Variants in BEST1 observed in about 807,000 individuals in gnomAD.
BEST1 encodes bestrophin 1, also known as bestrophin-1.
In BEST1, 58 loss-of-function variants were observed where a neutral mutation model predicts 63.3. The ratio of observed to expected loss-of-function variants is 0.92; its 90% CI spans 0.74 to 1.14. The LOEUF (loss-of-function observed/expected upper bound fraction) is 1.14, where lower values mean the gene tolerates loss of function less well. Ranked by LOEUF, BEST1 falls within the 50% of genes most tolerant of loss-of-function variation. The pLI, the probability that BEST1 is intolerant of heterozygous loss-of-function variation, is 0.00. For synonymous variants in BEST1, 283 were observed against 291.6 expected, an observed-to-expected ratio of 0.97 and a Z score of 0.30; for missense variants, 671 against 740.1, an observed-to-expected ratio of 0.91 and a Z score of 1.08.
chr11:61,952,190 C>T (rs1288591669), intron 2 of BEST1, among the ~76,000 whole-genome samples: 3 of 152,104 alleles, frequency 2.0e-5, no homozygotes, highest in Non-Finnish European at 4.4e-5. Flanking sequence ...TTTTAGCCAC[C>T]CTTCCTCCAA....
In BEST1 at chr11:61,958,280, C is replaced by T; in HGVS notation, c.849C>T (p.Phe283=). ...TCTTCACGTTCCTGCAGTTCTTCTT[C>T]TATGTTGGCTGGCTGAAGGTGGGCC... ...VPVFTFLQFF[F]YVGWLKVAEQ... is the part of the protein sequence containing the mutation. The change falls in exon 7 of 11, where the codon TTC becomes TTT. Residue 283 remains phenylalanine (F), a synonymous_variant. Coordinates refer to ENST00000378043, the MANE Select transcript of BEST1 (RefSeq NM_004183.4). 1 of 1,614,238 alleles carries T rather than the reference C, an allele frequency of 6.2e-7. No homozygotes were observed. Among genetic ancestry groups the T allele is most frequent in the Non-Finnish European group, 8.5e-7 (1 of 1,180,044 alleles).
downstream of BEST1, chr11:61,964,893 T>G (rs1260690208): frequency 6.2e-7 from 1 of 1,610,264 alleles, no homozygotes; most frequent in Non-Finnish European, 8.5e-7. Flanking sequence ...GTCACACAAC[T>G]GCAAAACAAT....
chr11:61,957,557 T>A, intron 6 of BEST1, 93 bp downstream of exon 6: 1 of 1,239,092 alleles, frequency 8.1e-7, no homozygotes, highest in African/African-American at 1.5e-5. Context: ...ACCTAGAGGC[T>A]AAGTGGCTCC....
rs1257833189 is a variant in BEST1, at chr11:61,962,680, C to A, written c.1526C>A (p.Ala509Asp). 22 of 1,614,148 alleles carry A rather than the reference C, an allele frequency of 1.4e-5. No individual in the cohort carries two copies. The highest frequency in any genetic ancestry group is 1.5e-5 in the Non-Finnish European group (18 of 1,180,040). Residue 509 changes from alanine (A) to aspartate (D), a missense_variant, in exon 10 of 11, where the codon GCC (alanine) becomes GAC (aspartate). Ala to Asp is a moderately radical substitution (Grantham distance 126). Coordinates refer to ENST00000378043, the MANE Select transcript of BEST1 (RefSeq NM_004183.4). The stretch of plus-strand genomic sequence containing the variant: ...AGCTTAAAGACTGTGAGTTCTGGGG[C>A]CAAGAAAAGTTTTGAATTGCTCTCA... ...DKSLKTVSSG[A>D]KKSFELLSES... is the part of the protein sequence containing the mutation.
chr11:61,964,955 C>T (rs747203605), downstream of BEST1: 28 of 1,613,932 alleles, frequency 1.7e-5, no homozygotes, highest in Admixed American at 1.0e-4. Flanking sequence ...AAATGATTTC[C>T]TCCATTTATT....
intron 9 of BEST1, chr11:61,961,680 C>T (rs921947784): frequency 1.2e-4 from 19 of 160,246 alleles, no homozygotes; most frequent in Admixed American, 8.1e-4. Context: ...GCCTGGGAGG[C>T]GGCTTCCAGC....
chr11:61,952,855 C>CTAAGG (rs2134415248), intron 2 of BEST1, among the ~76,000 whole-genome samples: 1 of 152,186 alleles, frequency 6.6e-6, no homozygotes, highest in Admixed American at 6.5e-5. Flanking sequence ...CGTCTGTAAT[C>CTAAGG]CCAGCACTTT....
chr11:61,958,124 C>T (rs1455295862), intron 6 of BEST1, 22 bp from the exon 7 acceptor site: 3 of 1,560,832 alleles, frequency 1.9e-6, no homozygotes, highest in South Asian at 2.3e-5. Context: ...CCTTTGCTAC[C>T]ACATCCTCCT....
chr11:61,956,329 C>T (rs921577011), intron 4 of BEST1, among the ~76,000 whole-genome samples: 7 of 152,146 alleles, frequency 4.6e-5, no homozygotes, highest in African/African-American at 1.7e-4. Context: ...GACACCCCCT[C>T]AGCCTGGCCT....
chr11:61,959,428 A>T, intron 7 of BEST1, 70 bp from the exon 8 acceptor site: 1 of 1,450,796 alleles, frequency 6.9e-7, no homozygotes, highest in Non-Finnish European at 9.7e-7. Flanking sequence ...GCAGCAGCTG[A>T]GGTTTAAAGG....
chr11:61,963,473 A>G, intron 10 of BEST1: 4 of 1,097,276 alleles, frequency 3.6e-6, no homozygotes, highest in Non-Finnish European at 4.4e-6. Context: ...CCTTGGGGTC[A>G]GCCCAAAGCT....
Position 61,958,190 on chromosome 11 carries a change from TG to T in BEST1, c.762del (p.Arg255GlyfsTer4). On this transcript the variant is annotated frameshift_variant, in exon 7 of 11. Coordinates refer to ENST00000378043, the MANE Select transcript of BEST1 (RefSeq NM_004183.4). LOFTEE classifies it high-confidence loss of function. The part of the protein sequence containing the change: ...VYSFFLTCLV[G>X]RQFLNPAKAY... Reference sequence around the variant, plus strand: ...ACAGCTTCTTCCTGACTTGTCTAGTTGGGCGGCAGTTTCTGAACCCAGCCAA... The same window carrying T: ...ACAGCTTCTTCCTGACTTGTCTAGTTGGCGGCAGTTTCTGAACCCAGCCAA... The T allele has an allele frequency of 1.2e-6, 2 of 1,614,158 alleles. No homozygotes were observed. Among genetic ancestry groups the T allele is most frequent in the Non-Finnish European group, 1.7e-6 (2 of 1,180,020 alleles).
chr11:61,956,633 G>A (rs1281335791), intron 4 of BEST1, among the ~76,000 whole-genome samples: 6 of 152,078 alleles, frequency 3.9e-5, no homozygotes, highest in Non-Finnish European at 8.8e-5. Context: ...CTCCAACCTC[G>A]GTGACAGAGC....
At chr11:61,963,342 AG>A in intron 10 of BEST1, 6 of 1,299,010 alleles carry the variant, frequency 4.6e-6, no homozygotes, top group Non-Finnish European at 5.8e-6. Flanking sequence ...CAAGCACTAC[AG>A]GAAAGGGTGG....
chr11:61,953,800 T>C (rs1241358405), intron 2 of BEST1, among the ~76,000 whole-genome samples: 1 of 151,826 alleles, frequency 6.6e-6, no homozygotes, highest in Non-Finnish European at 1.5e-5. Flanking sequence ...GCGGGAGGAT[T>C]GCTTGAGCCC....
chr11:61,964,585 T>C (rs1942393354), downstream of BEST1: 13 of 959,614 alleles, frequency 1.4e-5, no homozygotes, highest in Middle Eastern at 3.2e-4. Flanking sequence ...ATTTCTTTAT[T>C]TGAAGGAATG....
At chr11:61,953,822 G>T (rs565814058) in intron 2 of BEST1, among the ~76,000 whole-genome samples, 6 of 152,304 alleles carry the variant, frequency 3.9e-5, no homozygotes, top group Non-Finnish European at 8.8e-5. Flanking sequence ...GGAGGTTGAG[G>T]CTGCAGTGAG....
Position 61,962,297 on chromosome 11 carries a change from C to T in BEST1, c.1143C>T (p.Asp381=), listed in dbSNP as rs112199774. ...TGGAGTTCCAGCCCAATCAGGAGGA[C>T]GAGGAGGATGCTCACGCTGGCATCA... The part of the protein sequence containing the change: ...EEMEFQPNQE[D]EEDAHAGIIG... The change falls in exon 10 of 11, where the codon GAC becomes GAT. Residue 381 remains aspartate (D), a synonymous_variant. Coordinates refer to ENST00000378043, the MANE Select transcript of BEST1 (RefSeq NM_004183.4). The T allele has an allele frequency of 1.0e-4, 167 of 1,614,158 alleles. No homozygotes were observed. The African/African-American group carries it at 1.1e-3, about 11-fold the overall frequency.
chr11:61,964,162 ACCT>A lies in BEST1; in HGVS notation c.*41_*43del, dbSNP rs1266832781. On this transcript the variant is annotated 3_prime_UTR_variant, in exon 11 of 11. Coordinates refer to ENST00000378043, the MANE Select transcript of BEST1 (RefSeq NM_004183.4). ...GGGATGCTTCGCCAGCCAGGTCCTC[ACCT>A]GTGTGTACACCAGCAGGACACTGAT... The A allele has an allele frequency of 1.9e-6, 3 of 1,613,212 alleles. No individual in the cohort carries two copies. Among genetic ancestry groups the A allele is most frequent in the Non-Finnish European group, 1.7e-6 (2 of 1,179,896 alleles).
Sources: allele counts gnomAD v4.1 joint callset (sites outside exome capture counted in the v4.1 genomes callset), GRCh38; gene constraint gnomAD v4.1.1; transcripts MANE v1.5; gene names NCBI Gene and HGNC (gene_info 2026-07-23, HGNC 2026-07-21).